Variants in TBC1D12 observed in about 807,000 individuals in gnomAD.
The protein encoded by TBC1D12 is TBC1 domain family member 12.
In TBC1D12, 56 loss-of-function variants were observed where a neutral mutation model predicts 86.7. The observed-to-expected ratio is 0.65, with a 90% confidence interval of 0.52 to 0.81. The LOEUF is 0.81. TBC1D12 is among the 30% of genes least tolerant of loss of function. The pLI is 0.00. For missense variants in TBC1D12, 1,023 were observed against 1,038.8 expected (o/e 0.98, Z 0.21); for synonymous variants, 421 against 411.7 (o/e 1.02, Z -0.27).
At chr10:94,500,102 C>A in intron 5 of TBC1D12, 119 bp from the exon 6 acceptor site, 2 of 862,932 alleles carry the variant, frequency 2.3e-6, no homozygotes, top group Non-Finnish European at 3.5e-6. Context: ...ATACTTAATT[C>A]TCTATAGTCC....
chr10:94,424,205 T>G (rs2055118184), intron 1 of TBC1D12, among the ~76,000 whole-genome samples: 1 of 152,188 alleles, frequency 6.6e-6, no homozygotes, highest in Non-Finnish European at 1.5e-5. Flanking sequence ...AAAGGACAAC[T>G]GTATATTTTT....
At chr10:94,464,641 T>A (rs2055779905) in intron 2 of TBC1D12, among the ~76,000 whole-genome samples, 1 of 152,074 alleles carries the variant, frequency 6.6e-6, no homozygotes, top group East Asian at 1.9e-4. Context: ...AATTTTAAAA[T>A]TTTTTTTATA....
chr10:94,511,539 G>T, intron 8 of TBC1D12, 44 bp from the exon 9 acceptor site: 1 of 1,221,304 alleles, frequency 8.2e-7, no homozygotes, highest in South Asian at 1.3e-5. Context: ...TTAACTTAGA[G>T]AAAATTATTT....
At chr10:94,504,571 T>A (rs529477322) in intron 6 of TBC1D12, among the ~76,000 whole-genome samples, 2 of 152,290 alleles carry the variant, frequency 1.3e-5, no homozygotes, top group Non-Finnish European at 2.9e-5. Context: ...AGTCATGAAA[T>A]TTATAATCAT....
intron 2 of TBC1D12, among the ~76,000 whole-genome samples, chr10:94,459,106 GGTCCATTTTACAGAGAGCTGA>G (rs2055680578): frequency 6.6e-6 from 1 of 150,956 alleles, no homozygotes; most frequent in African/African-American, 2.4e-5. Context: ...AGAGCTGATT[GGTCCATTTTACAGAGAGCTGA>G]TTGGTCCATT....
intron 11 of TBC1D12, among the ~76,000 whole-genome samples, chr10:94,525,596 G>A (rs989389241): frequency 4.1e-5 from 6 of 145,376 alleles, no homozygotes; most frequent in Non-Finnish European, 7.4e-5. Flanking sequence ...GGAGGCCAAG[G>A]TTGCAGTGAG....
At chr10:94,508,057 G>T (rs55968930) in intron 7 of TBC1D12, among the ~76,000 whole-genome samples, 2 of 152,134 alleles carry the variant, frequency 1.3e-5, no homozygotes, top group Admixed American at 1.3e-4. Flanking sequence ...CTAGTCAGAA[G>T]CAGTGTCTAC....
rs111464034 is a variant in TBC1D12, at chr10:94,476,127, C to CT, written c.1211+1355dup. Among the ~76,000 whole-genome samples, 198 of 147,182 alleles carry CT rather than the reference C, an allele frequency of 1.3e-3. 1 individual carries two copies. The highest frequency in any genetic ancestry group is 6.9e-3 in the East Asian group (35 of 5,062). ...GCTAAAGAATTCTTTCTCTCTCTCT[C>CT]TTTTTTTTTTTAAATGTAAAACTTC... On this transcript the variant is annotated intron_variant, in intron 3 of 12. Transcript: ENST00000225235.
intron 3 of TBC1D12, 110 bp from the exon 4 acceptor site, chr10:94,493,255 A>T: frequency 1.3e-6 from 1 of 779,116 alleles, no homozygotes; most frequent in South Asian, 1.6e-5. Context: ...AATGTATGAA[A>T]TGAGGTTAGT....
At chr10:94,440,175 CTTTTTT>C (rs986878961) in intron 1 of TBC1D12, among the ~76,000 whole-genome samples, 1 of 145,698 alleles carries the variant, frequency 6.9e-6, no homozygotes, top group African/African-American at 2.5e-5. Context: ...CTTTTCCTTT[CTTTTTT>C]TTTTTGGAGG....
At chr10:94,483,995 C>A (rs1040212348) in intron 3 of TBC1D12, among the ~76,000 whole-genome samples, 1 of 152,106 alleles carries the variant, frequency 6.6e-6, no homozygotes, top group African/African-American at 2.4e-5. Flanking sequence ...TTCTTCTGCA[C>A]ATGATAATCC....
intron 11 of TBC1D12, among the ~76,000 whole-genome samples, chr10:94,526,584 A>G (rs970653162): frequency 2.0e-5 from 3 of 152,156 alleles, no homozygotes; most frequent in African/African-American, 7.2e-5. Flanking sequence ...TTTGTGGCTT[A>G]GTAGCATTCC....
intron 1 of TBC1D12, among the ~76,000 whole-genome samples, chr10:94,414,729 A>G (rs1249054906): frequency 6.6e-6 from 1 of 151,412 alleles, no homozygotes; most frequent in Non-Finnish European, 1.5e-5. Flanking sequence ...CCTCTGGAGT[A>G]GCTGGGATTA....
intron 3 of TBC1D12, among the ~76,000 whole-genome samples, chr10:94,482,725 C>T (rs1319822729): frequency 6.6e-6 from 1 of 152,142 alleles, no homozygotes; most frequent in Non-Finnish European, 1.5e-5. Context: ...GCTAGGATTA[C>T]AGGCATGAGC....
rs534578260 is a variant in TBC1D12 at position 94,535,149 on chromosome 10, T to C, written c.*2053T>C. On this transcript the variant is annotated 3_prime_UTR_variant, in exon 13 of 13. Transcript: ENST00000225235. ...TCTTTCCAAGAGTGAATGCATTGGCTTTCGGAACTGCTACTAGAGACATAC... is the reference window on the plus strand; with the variant it reads ...TCTTTCCAAGAGTGAATGCATTGGCCTTCGGAACTGCTACTAGAGACATAC... The C allele has an allele frequency of 1.3e-5, 2 of 152,242 alleles. No homozygotes were observed. The highest frequency in any genetic ancestry group is 4.8e-5 in the African/African-American group (2 of 41,542). 9.4% of individuals were successfully genotyped at this position (152,242 alleles called of 1,614,324 possible). A position where few individuals can be genotyped will look rare whatever the true frequency, so the allele number is the denominator to read the frequency against.
Position 94,403,593 on chromosome 10 carries a change from C to T in TBC1D12, c.971+9C>T. 6.9e-7 allele frequency: 1 copy of T among 1,458,906 alleles called. No individual in the cohort carries two copies. The highest frequency in any genetic ancestry group is 9.0e-7 in the Non-Finnish European group (1 of 1,114,996). The allele number at this position is 1,458,906 out of a possible 1,614,324, so 90.4% of individuals were successfully genotyped here. ...GCGGACTTCTTCACCAGGTACAGCG[C>T]AGGCTGCATGGGACTCGGGGCGGGT... On this transcript the variant is annotated intron_variant, in intron 1 of 12. Transcript: ENST00000225235.
rs543922596 is a variant in TBC1D12 at position 94,415,549 on chromosome 10, C to T, written c.971+11965C>T. Among the ~76,000 whole-genome samples the T allele has an allele frequency of 7.2e-5, 11 of 152,212 alleles. No individual in the cohort carries two copies. The East Asian group carries it at 1.4e-3, about 19-fold the overall frequency. The stretch of plus-strand genomic sequence containing the variant: ...GAGATCGAGACCATCCTGGCTAACA[C>T]GGTGAAACCCCGTCTCTAGTAAAAA... On this transcript the variant is annotated intron_variant, in intron 1 of 12. Coordinates refer to ENST00000225235, the MANE Select transcript of TBC1D12 (RefSeq NM_015188.2).
At chr10:94,477,197 T>G (rs2056002697) in intron 3 of TBC1D12, among the ~76,000 whole-genome samples, 1 of 152,200 alleles carries the variant, frequency 6.6e-6, no homozygotes, top group African/African-American at 2.4e-5. Flanking sequence ...GTATAGAGAC[T>G]GAATTTGGTC....
rs758774015 is a variant in TBC1D12 at position 94,403,507 on chromosome 10, G to A, written c.894G>A (p.Leu298=). 4 of 1,557,026 alleles carry A rather than the reference G, an allele frequency of 2.6e-6. No homozygotes were observed. The highest frequency in any genetic ancestry group is 1.7e-6 in the Non-Finnish European group (2 of 1,154,070). The change falls in exon 1 of 13, where the codon TTG becomes TTA. Residue 298 remains leucine (L), a synonymous_variant. Transcript: ENST00000225235. ...HLPPAGPPVP[L]PAAEQGPAGA... Reference sequence around the variant, plus strand: ...CCCCGGCGGGGCCGCCGGTGCCCTTGCCCGCCGCGGAGCAGGGTCCTGCGG... The same window carrying A: ...CCCCGGCGGGGCCGCCGGTGCCCTTACCCGCCGCGGAGCAGGGTCCTGCGG...
Sources: allele counts gnomAD v4.1 joint callset (sites outside exome capture counted in the v4.1 genomes callset), GRCh38; gene constraint gnomAD v4.1.1; transcripts MANE v1.5; gene names NCBI Gene and HGNC (gene_info 2026-07-23, HGNC 2026-07-21).